TTC28: variants seen among roughly 807,000 people sequenced by gnomAD.
TTC28 encodes the protein tetratricopeptide repeat protein 28.
In TTC28, 61 loss-of-function variants were observed where a neutral mutation model predicts 198.0. That is an observed-to-expected ratio of 0.31 (90% CI 0.25 to 0.38). The LOEUF (loss-of-function observed/expected upper bound fraction) is 0.38, where lower values mean the gene tolerates loss of function less well. Ranked by LOEUF, TTC28 falls within the 10% of genes least tolerant of loss-of-function variation. The pLI is 1.00. For missense variants in TTC28, 2,678 were observed against 3,164.0 expected, an observed-to-expected ratio of 0.85 and a Z score of 3.69; for synonymous variants, 1,171 against 1,297.8, an observed-to-expected ratio of 0.90 and a Z score of 2.10.
At position 28,566,300 on chromosome 22, in the gene TTC28, G is replaced by A. The variant is rs962129766; in HGVS notation, c.381+63252C>T. Among the ~76,000 whole-genome samples the A allele has an allele frequency of 4.6e-5, 7 of 152,094 alleles. No homozygotes were observed. In the South Asian group the frequency reaches 8.3e-4, roughly 18 times the overall value. On this transcript the variant is annotated intron_variant, in intron 2 of 22. Transcript: ENST00000397906. Reference sequence around the variant, plus strand: ...CATCATCACAAAATCACATAGGGACGACCCTGTAGCAGTTAAAACAGCATA... The same window carrying A: ...CATCATCACAAAATCACATAGGGACAACCCTGTAGCAGTTAAAACAGCATA...
At chr22:28,655,984 C>T (rs972489446) in intron 1 of TTC28, among the ~76,000 whole-genome samples, 8 of 152,090 alleles carry the variant, frequency 5.3e-5, no homozygotes, top group African/African-American at 1.4e-4. Flanking sequence ...ACAGAAACTA[C>T]ATCAGTTATT....
At chr22:28,584,036 C>A in intron 2 of TTC28, among the ~76,000 whole-genome samples, 1 of 129,908 alleles carries the variant, frequency 7.7e-6, no homozygotes, top group Non-Finnish European at 1.6e-5. Flanking sequence ...TTTTTTTTGG[C>A]ACAATCATAG....
intron 1 of TTC28, among the ~76,000 whole-genome samples, chr22:28,673,494 T>C (rs1192992250): frequency 1.3e-5 from 2 of 152,216 alleles, no homozygotes; most frequent in Non-Finnish European, 2.9e-5. Flanking sequence ...ATCACCATGA[T>C]ATTGTTTCAA....
At chr22:28,284,390 T>C (rs1175523067) in intron 5 of TTC28, among the ~76,000 whole-genome samples, 1 of 152,118 alleles carries the variant, frequency 6.6e-6, no homozygotes, top group African/African-American at 2.4e-5. Flanking sequence ...AACTAACAGA[T>C]TGATATCAAG....
Position 28,030,290 on chromosome 22 carries a change from G to C in TTC28, c.4009C>G (p.Leu1337Val). Reference protein sequence around the residue: ...DQQFEEMNNKLNSVTDPTGFL... With the variant: ...DQQFEEMNNKVNSVTDPTGFL... ...CCAGTGGGGTCAGTGACCGAGTTGA[G>C]TTTGTTGTTCATCTCTTCAAATTGC... The change falls in exon 13 of 23, where the codon CTC becomes GTC. Residue 1337 changes from leucine to valine, a missense_variant. Physicochemically the swap from Leu to Val is conservative, Grantham distance 32. This residue lies in a region of TTC28 where 727 missense variants were observed against 861.9 expected (regional missense o/e 0.84). Coordinates refer to ENST00000397906, the MANE Select transcript of TTC28 (RefSeq NM_001145418.2). 1 of 1,551,766 alleles carries C rather than the reference G, an allele frequency of 6.4e-7. No individual in the cohort carries two copies. The highest frequency in any genetic ancestry group is 8.7e-7 in the Non-Finnish European group (1 of 1,147,012).
intron 2 of TTC28, among the ~76,000 whole-genome samples, chr22:28,578,545 C>A (rs2050184699): frequency 6.6e-6 from 1 of 152,116 alleles, no homozygotes; most frequent in Non-Finnish European, 1.5e-5. Flanking sequence ...GAACACCAAA[C>A]TGAACAACTA....
rs1456493104 is a variant in TTC28, at chr22:28,538,014, AATGT to A, written c.381+91534_381+91537del. 5.3e-5 allele frequency among the ~76,000 whole-genome samples: 8 copies of A among 152,296 alleles called. No homozygotes were observed. The East Asian group carries it at 1.3e-3, about 26-fold the overall frequency. On this transcript the variant is annotated intron_variant, in intron 2 of 22. Coordinates refer to ENST00000397906, the MANE Select transcript of TTC28 (RefSeq NM_001145418.2). ...AGGAAAGAAGGACATAGGACAGAAT[AATGT>A]ATACAATATGCTATTCAGTATGTGT... is the stretch of plus-strand genomic sequence containing the variant.
chr22:28,142,572 G>A (rs567244076), intron 6 of TTC28, among the ~76,000 whole-genome samples: 1 of 152,220 alleles, frequency 6.6e-6, no homozygotes, highest in East Asian at 1.9e-4. Flanking sequence ...TATTTCTGGT[G>A]GAGCAATTCA....
At chr22:27,992,807 G>C in intron 18 of TTC28, 144 bp from the exon 19 acceptor site, 1 of 773,954 alleles carries the variant, frequency 1.3e-6, no homozygotes, top group South Asian at 1.8e-5. Context: ...GTGTGTCTGT[G>C]TGTGCCTTGG....
At chr22:28,562,688 G>A (rs1208947146) in intron 2 of TTC28, among the ~76,000 whole-genome samples, 3 of 152,276 alleles carry the variant, frequency 2.0e-5, no homozygotes, top group Non-Finnish European at 4.4e-5. Flanking sequence ...TAGAAGGGCA[G>A]GTTTGGAGCT....
At chr22:28,506,675 T>C (rs1043013182) in intron 2 of TTC28, among the ~76,000 whole-genome samples, 1 of 152,204 alleles carries the variant, frequency 6.6e-6, no homozygotes, top group African/African-American at 2.4e-5. Flanking sequence ...AACAGATTAG[T>C]AATCCCCTGG....
At chr22:28,583,594 T>C (rs2050263986) in intron 2 of TTC28, among the ~76,000 whole-genome samples, 1 of 152,196 alleles carries the variant, frequency 6.6e-6, no homozygotes, top group African/African-American at 2.4e-5. Context: ...TGTCAGCATC[T>C]GTATTTTACA....
At chr22:28,032,296 A>T (rs183673731) in intron 12 of TTC28, among the ~76,000 whole-genome samples, 2 of 104,378 alleles carry the variant, frequency 1.9e-5, no homozygotes, top group East Asian at 4.3e-4. Context: ...GTGTGTGTGT[A>T]TATGTGTGTG....
Position 28,117,977 on chromosome 22 carries a change from AG to A in TTC28, c.1442-9575del, listed in dbSNP as rs1395704079. Among the ~76,000 whole-genome samples, 12 of 152,370 alleles carry A rather than the reference AG, an allele frequency of 7.9e-5. No individual in the cohort carries two copies. In the East Asian group the frequency reaches 2.1e-3, roughly 27 times the overall value. On this transcript the variant is annotated intron_variant, in intron 6 of 22. Transcript: ENST00000397906. ...TTGTCACACAAAGGATAAATACTTG[AG>A]GGGACAAGTACCCCATTTACCCCGA... is the stretch of plus-strand genomic sequence containing the variant.
chr22:28,169,530 T>C (rs1268356299), intron 5 of TTC28, among the ~76,000 whole-genome samples: 1 of 152,126 alleles, frequency 6.6e-6, no homozygotes, highest in Non-Finnish European at 1.5e-5. Context: ...GGGACATGGA[T>C]GAAGCTGGAA....
chr22:28,001,312 T>G, intron 15 of TTC28, 62 bp downstream of exon 15: 1 of 1,510,278 alleles, frequency 6.6e-7, no homozygotes, highest in Non-Finnish European at 8.9e-7. Context: ...TCCGACCAGA[T>G]AGACGGTGCC....
intron 2 of TTC28, among the ~76,000 whole-genome samples, chr22:28,517,050 G>T (rs1160152874): frequency 6.6e-6 from 1 of 152,180 alleles, no homozygotes; most frequent in Non-Finnish European, 1.5e-5. Context: ...ACCCAGGGTT[G>T]CACAGTTAGT....
chr22:28,042,374 T>A (rs955487265), intron 12 of TTC28, among the ~76,000 whole-genome samples: 2 of 152,080 alleles, frequency 1.3e-5, no homozygotes, highest in Admixed American at 6.5e-5. Context: ...ATGTGGCACA[T>A]ATACACCATG....
intron 5 of TTC28, among the ~76,000 whole-genome samples, chr22:28,202,528 ACT>A (rs3048269): frequency 0.027 from 4,125 of 150,432 alleles, 146 homozygotes; most frequent in East Asian, 0.082. Context: ...CAACAGCGAG[ACT>A]CTGTCTCAAA....
Sources: allele counts gnomAD v4.1 joint callset (sites outside exome capture counted in the v4.1 genomes callset), GRCh38; gene constraint gnomAD v4.1.1; regional missense constraint gnomAD v4.1.1; transcripts MANE v1.5; gene names NCBI Gene and HGNC (gene_info 2026-07-23, HGNC 2026-07-21).